The following PPOX variants were observed in gnomAD, a reference collection of about 807,000 sequenced individuals.
The protein encoded by PPOX is variegate porphyria.
Under a neutral mutation model 54.1 loss-of-function variants are expected in PPOX, and 23 were observed. The ratio of observed to expected loss-of-function variants is 0.43; its 90% CI spans 0.31 to 0.60. The LOEUF (loss-of-function observed/expected upper bound fraction) is 0.60, where lower values mean the gene tolerates loss of function less well. Ranked by LOEUF, PPOX falls within the 20% of genes least tolerant of loss-of-function variation. The pLI is 0.13. For missense variants in PPOX, 512 were observed against 601.1 expected, an observed-to-expected ratio of 0.85 and a Z score of 1.55; for synonymous variants, 224 against 236.1, an observed-to-expected ratio of 0.95 and a Z score of 0.47.
chr1:161,176,165 G>C (rs1663437949), downstream of PPOX: 12 of 1,397,276 alleles, frequency 8.6e-6, no homozygotes, highest in Non-Finnish European at 1.2e-5. Context: ...GATGCCAGGG[G>C]TAAAGAGGAA....
Position 161,166,561 on chromosome 1 carries a change from G to T in PPOX, c.-120G>T. The T allele has an allele frequency of 7.1e-7, 1 of 1,398,968 alleles. No individual in the cohort carries two copies. Among genetic ancestry groups the T allele is most frequent in the Non-Finnish European group, 9.3e-7 (1 of 1,076,468 alleles). 86.7% of individuals were successfully genotyped at this position (1,398,968 alleles called of 1,614,324 possible). The stretch of plus-strand genomic sequence containing the variant: ...TGCCCGCCGCCCGAGCCCTGCGAGG[G>T]CCGATAGCGAGGGTGTGGCCCTTAT... On this transcript the variant is annotated 5_prime_UTR_variant, in exon 1 of 13. Coordinates refer to ENST00000367999, the MANE Select transcript of PPOX (RefSeq NM_001122764.3).
downstream of PPOX, chr1:161,175,774 C>G (rs1663276543): frequency 1.2e-6 from 2 of 1,606,554 alleles, no homozygotes; most frequent in Non-Finnish European, 1.7e-6. Context: ...GCACCTTGTC[C>G]TTCCTTTCAC....
downstream of PPOX, chr1:161,173,758 A>G (rs764654984): frequency 5.6e-5 from 91 of 1,613,698 alleles, 3 homozygotes; most frequent in South Asian, 9.7e-4. Flanking sequence ...GCATACCCCG[A>G]GTCTTCTGGG....
Position 161,169,971 on chromosome 1 carries a change from G to A in PPOX, c.934G>A (p.Val312Met), listed in dbSNP as rs910857636. Reference sequence around the variant, plus strand: ...TCGTGCCCTGAGTGCCATCACTGCAGTGTCTGTAGCTGTGGTGAATCTGCA... The same window carrying A: ...TCGTGCCCTGAGTGCCATCACTGCAATGTCTGTAGCTGTGGTGAATCTGCA... Reference protein sequence around the residue: ...LARALSAITAVSVAVVNLQYQ... With the variant: ...LARALSAITAMSVAVVNLQYQ... The change falls in exon 9 of 13, where the codon GTG becomes ATG. Residue 312 changes from valine to methionine, a missense_variant. By Grantham distance (21) the Val-to-Met change is conservative (BLOSUM62 1). Coordinates refer to ENST00000367999, the MANE Select transcript of PPOX (RefSeq NM_001122764.3). The A allele has an allele frequency of 3.1e-6, 5 of 1,614,050 alleles. No individual in the cohort carries two copies. The highest frequency in any genetic ancestry group is 4.5e-5 in the East Asian group (2 of 44,892).
chr1:161,174,955 A>G (rs948158641), downstream of PPOX: 11 of 1,598,426 alleles, frequency 6.9e-6, no homozygotes, highest in Non-Finnish European at 9.4e-6. Flanking sequence ...GCTTCCTTAG[A>G]AGAAAGTCAG....
downstream of PPOX, chr1:161,174,136 G>A (rs1369793916): frequency 6.4e-6 from 9 of 1,414,942 alleles, no homozygotes; most frequent in East Asian, 2.3e-5. Context: ...GGCCGGGCGC[G>A]GTGGCTTACG....
rs374821837 is a variant in PPOX, at chr1:161,169,187, G to C, written c.807+4G>C. On this transcript the variant is annotated splice_donor_region_variant and intron_variant, in intron 7 of 12. Transcript: ENST00000367999. ...CCAGGCAGAAGGGCGCTGGAAGGTA[G>C]GGGAACCCCTGGAGTGTAATGAACC... 3.0e-5 allele frequency: 48 copies of C among 1,613,316 alleles called. No homozygotes were observed. Among genetic ancestry groups the C allele is most frequent in the Non-Finnish European group, 4.1e-5 (48 of 1,180,004 alleles).
chr1:161,177,409 C>T, downstream of PPOX: 1 of 254,590 alleles, frequency 3.9e-6, no homozygotes, highest in East Asian at 9.1e-5. Context: ...TCGACGCATT[C>T]CCAGCGCACA....
At position 161,170,887 on chromosome 1, in the gene PPOX, ATCCTC is replaced by A. The variant is rs1661112853; in HGVS notation, c.1249-12_1249-8del. 6 of 1,614,066 alleles carry A rather than the reference ATCCTC, an allele frequency of 3.7e-6. No individual in the cohort carries two copies. Among genetic ancestry groups the A allele is most frequent in the East Asian group, 2.2e-5 (1 of 44,890 alleles). ...ACATCAATAATAAACTTTTCCCTGCATCCTCTCCTCTCTTCTCAGAACTGCATTCC... is the reference window on the plus strand; with the variant it reads ...ACATCAATAATAAACTTTTCCCTGCATCCTCTCTTCTCAGAACTGCATTCC... On this transcript the variant is annotated splice_polypyrimidine_tract_variant and intron_variant, in intron 11 of 12. Transcript: ENST00000367999.
At chr1:161,171,699 G>C, downstream of PPOX, 1 of 1,424,384 alleles carries the variant, frequency 7.0e-7, no homozygotes, top group Non-Finnish European at 9.5e-7. Flanking sequence ...CTACCCCCTA[G>C]CACGGCACCA....
chr1:161,169,660 G>A lies in PPOX; in HGVS notation c.808G>A (p.Val270Ile). ...LSLQAEGRWK[V>I]SLRDSSLEAD... ...CTCTCAAATGTTTTCATGCTCTCAG[G>A]TATCTCTAAGGGACAGCAGTCTGGA... Residue 270 changes from valine (V) to isoleucine (I), a missense_variant and splice_region_variant, in exon 8 of 13, where the codon GTA (valine) becomes ATA (isoleucine). Val to Ile is a conservative substitution (Grantham distance 29). Coordinates refer to ENST00000367999, the MANE Select transcript of PPOX (RefSeq NM_001122764.3). The A allele has an allele frequency of 6.2e-7, 1 of 1,614,060 alleles. No homozygotes were observed. Among genetic ancestry groups the A allele is most frequent in the Non-Finnish European group, 8.5e-7 (1 of 1,179,924 alleles).
At position 161,170,039 on chromosome 1, in the gene PPOX, C is replaced by T. The variant is rs780609605; in HGVS notation, c.987+15C>T. On this transcript the variant is annotated intron_variant, in intron 9 of 12. Transcript: ENST00000367999. ...TGCCTGTCCAGGTATGATAAAGGGACGGAGAGGCTGGGCATGGTGGCTCAC... is the reference window on the plus strand; with the variant it reads ...TGCCTGTCCAGGTATGATAAAGGGATGGAGAGGCTGGGCATGGTGGCTCAC... 1.1e-5 allele frequency: 18 copies of T among 1,607,836 alleles called. No homozygotes were observed. The highest frequency in any genetic ancestry group is 2.2e-5 in the South Asian group (2 of 90,354).
Position 161,168,076 on chromosome 1 carries a change from AG to A in PPOX, c.421del (p.Glu141SerfsTer21). 1 of 1,614,090 alleles carries A rather than the reference AG, an allele frequency of 6.2e-7. No homozygotes were observed. On this transcript the variant is annotated frameshift_variant, in exon 5 of 13. Transcript: ENST00000367999. LOFTEE classifies it high-confidence loss of function. ...GGGAGCTGACCAAGCCCCGGGGCAA[AG>A]AGCCTGATGAGACTGTGCACAGTTT... ...LRELTKPRGKEPDETVHSFAQ... is the reference protein window; with the variant it reads ...LRELTKPRGKXPDETVHSFAQ...
chr1:161,170,386 C>G (rs372286550), intron 9 of PPOX, 23 bp from the exon 10 acceptor site: 1 of 1,387,022 alleles, frequency 7.2e-7, no homozygotes, highest in East Asian at 3.7e-5. Flanking sequence ...TTCCTTCTGA[C>G]GCATGAATGT....
At chr1:161,167,557 CTTTTTTTTTTT>C (rs397731347) in intron 4 of PPOX, 71 bp downstream of exon 4, 58 of 555,118 alleles carry the variant, frequency 1.0e-4, no homozygotes, top group Middle Eastern at 6.5e-4. Context: ...TTCTTCTTTT[CTTTTTTTTTTT>C]TTTTTTTTTT....
At chr1:161,166,423 A>G, upstream of PPOX, 2 of 1,132,040 alleles carry the variant, frequency 1.8e-6, no homozygotes, top group Non-Finnish European at 2.2e-6. Context: ...GCGAGAACAG[A>G]GTGGACGGAG....
downstream of PPOX, chr1:161,175,305 C>CT (rs1296360099): frequency 7.8e-7 from 1 of 1,280,336 alleles, no homozygotes. Context: ...GGGAATACCT[C>CT]TGACACTGGC....
intron 4 of PPOX, chr1:161,176,294 A>C (rs535793095): frequency 1.7e-6 from 1 of 597,248 alleles, no homozygotes; most frequent in Non-Finnish European, 2.9e-6. Context: ...GCTCTCCTCT[A>C]CCTCCCCCCA....
chr1:161,170,863 C>T (rs1427143309), intron 11 of PPOX, 44 bp from the exon 12 acceptor site: 1 of 1,613,834 alleles, frequency 6.2e-7, no homozygotes, highest in Non-Finnish European at 8.5e-7. Flanking sequence ...AGGCCTAGGA[C>T]ATCAATAATA....
Sources: allele counts gnomAD v4.1 joint callset, GRCh38; gene constraint gnomAD v4.1.1; transcripts MANE v1.5; gene names NCBI Gene and HGNC (gene_info 2026-07-23, HGNC 2026-07-21).